The following GFOD2 variants were observed in gnomAD, a reference collection of about 807,000 sequenced individuals.
GFOD2 encodes Gfo/Idh/MocA-like oxidoreductase domain containing 2.
A neutral mutation model predicts 24.6 loss-of-function variants in GFOD2; 9 were observed. The observed-to-expected ratio is 0.37, with a 90% CI of 0.22 to 0.64. The LOEUF (loss-of-function observed/expected upper bound fraction) is 0.64, where lower values mean the gene tolerates loss of function less well. Among genes scored for constraint, GFOD2 ranks in the 30% least tolerant of loss-of-function variants. GFOD2 has a pLI of 0.65. For synonymous variants in GFOD2, 211 were observed against 224.8 expected, an observed-to-expected ratio of 0.94 and a Z score of 0.55; for missense variants, 476 against 532.5, an observed-to-expected ratio of 0.89 and a Z score of 1.04.
chr16:67,689,848 C>T (rs538169360), intron 1 of GFOD2, among the ~76,000 whole-genome samples: 1 of 152,276 alleles, frequency 6.6e-6, no homozygotes, highest in East Asian at 1.9e-4. Context: ...CCACTACCCC[C>T]GCCCCAGCCC....
chr16:67,717,570 C>T (rs983666360), intron 1 of GFOD2, among the ~76,000 whole-genome samples: 3 of 152,186 alleles, frequency 2.0e-5, no homozygotes, highest in Non-Finnish European at 4.4e-5. Flanking sequence ...GCAGGCAGAT[C>T]ATCTGAGGTC....
At chr16:67,718,675 T>A (rs2053523415) in intron 1 of GFOD2, among the ~76,000 whole-genome samples, 2 of 152,200 alleles carry the variant, frequency 1.3e-5, no homozygotes, top group South Asian at 2.1e-4. Flanking sequence ...GTGTCCCTTC[T>A]TCCACCTGTC....
At chr16:67,702,751 C>T (rs1413435621) in intron 1 of GFOD2, among the ~76,000 whole-genome samples, 1 of 151,786 alleles carries the variant, frequency 6.6e-6, no homozygotes, top group Non-Finnish European at 1.5e-5. Context: ...AGGCATGTGC[C>T]GTGCCTGGCT....
intron 2 of GFOD2, chr16:67,681,215 T>C (rs1390094338): frequency 2.0e-6 from 2 of 985,430 alleles, no homozygotes; most frequent in Non-Finnish European, 1.2e-6. Context: ...TTCTGGCCAA[T>C]TCAGAAGCCT....
chr16:67,696,358 C>T (rs2053359422), intron 1 of GFOD2, among the ~76,000 whole-genome samples: 1 of 150,446 alleles, frequency 6.6e-6, no homozygotes, highest in South Asian at 2.1e-4. Context: ...GTATCTATGA[C>T]CAACTTAGAT....
chr16:67,678,505 AAGAAAT>A (rs1318543577), intron 2 of GFOD2, among the ~76,000 whole-genome samples: 1 of 151,950 alleles, frequency 6.6e-6, no homozygotes, highest in Non-Finnish European at 1.5e-5. Flanking sequence ...GAAAAAGAAA[AAGAAAT>A]GGCCGATGTC....
chr16:67,680,767 A>G (rs543118694), intron 2 of GFOD2: 1 of 956,778 alleles, frequency 1.0e-6, no homozygotes, highest in East Asian at 1.2e-4. Context: ...TTTTTAATAC[A>G]TATTTTGTTA....
chr16:67,697,692 T>C (rs1337375971), intron 1 of GFOD2, among the ~76,000 whole-genome samples: 1 of 152,192 alleles, frequency 6.6e-6, no homozygotes, highest in Admixed American at 6.5e-5. Flanking sequence ...GGAGCAACTC[T>C]TCTTCCATCC....
At chr16:67,717,663 TGCCTGTAGTCCCA>T (rs2053516567) in intron 1 of GFOD2, among the ~76,000 whole-genome samples, 1 of 152,146 alleles carries the variant, frequency 6.6e-6, no homozygotes, top group Non-Finnish European at 1.5e-5. Flanking sequence ...TGGTGGTACA[TGCCTGTAGTCCCA>T]GCTACTCAGG....
chr16:67,682,776 G>A (rs899337425), intron 2 of GFOD2: 2 of 985,188 alleles, frequency 2.0e-6, no homozygotes, highest in South Asian at 4.7e-5. Flanking sequence ...ATCACAGCAC[G>A]AAGACTTGGT....
chr16:67,713,244 T>C (rs1339316916), intron 1 of GFOD2, among the ~76,000 whole-genome samples: 7 of 152,110 alleles, frequency 4.6e-5, no homozygotes. Flanking sequence ...AGGTATGTCA[T>C]TGTGAAAGTG....
intron 2 of GFOD2, among the ~76,000 whole-genome samples, chr16:67,679,794 G>A (rs2053210662): frequency 6.6e-6 from 1 of 152,042 alleles, no homozygotes; most frequent in Admixed American, 6.5e-5. Context: ...GGCTGAGGCA[G>A]GAGAATTGCT....
intron 1 of GFOD2, among the ~76,000 whole-genome samples, chr16:67,711,641 C>T (rs2053474596): frequency 1.3e-5 from 2 of 152,182 alleles, no homozygotes; most frequent in Non-Finnish European, 2.9e-5. Context: ...ATAGGCATCT[C>T]ACACTTAAAA....
At chr16:67,711,520 C>T (rs2053473750) in intron 1 of GFOD2, among the ~76,000 whole-genome samples, 3 of 152,176 alleles carry the variant, frequency 2.0e-5, no homozygotes. Context: ...AGTGTCATGG[C>T]TTTTAAATGT....
At chr16:67,710,694 A>G (rs2053467751) in intron 1 of GFOD2, among the ~76,000 whole-genome samples, 1 of 152,230 alleles carries the variant, frequency 6.6e-6, no homozygotes, top group African/African-American at 2.4e-5. Flanking sequence ...GTTCAATGAC[A>G]GATTTATAAT....
chr16:67,714,461 G>GA, intron 1 of GFOD2, among the ~76,000 whole-genome samples: 1 of 106,096 alleles, frequency 9.4e-6, no homozygotes, highest in Admixed American at 1.2e-4. Flanking sequence ...CTGGGAGATA[G>GA]AAACACTGTC....
intron 1 of GFOD2, among the ~76,000 whole-genome samples, chr16:67,709,564 T>G (rs2053459310): frequency 6.6e-6 from 1 of 152,114 alleles, no homozygotes; most frequent in Non-Finnish European, 1.5e-5. Context: ...GATTTGAGAT[T>G]AAATGCTATA....
intron 2 of GFOD2, chr16:67,681,601 G>T: frequency 1.8e-6 from 1 of 571,222 alleles, no homozygotes; most frequent in Non-Finnish European, 2.2e-6. Context: ...GTAGAGATGG[G>T]ATTTCATCAT....
At chr16:67,710,790 C>A (rs2053468349) in intron 1 of GFOD2, among the ~76,000 whole-genome samples, 1 of 152,120 alleles carries the variant, frequency 6.6e-6, no homozygotes, top group African/African-American at 2.4e-5. Flanking sequence ...ATTTTCTATC[C>A]ACTGACCCCT....
Sources: allele counts gnomAD v4.1 joint callset (sites outside exome capture counted in the v4.1 genomes callset), GRCh38; gene constraint gnomAD v4.1.1; transcripts MANE v1.5; gene names NCBI Gene and HGNC (gene_info 2026-07-23, HGNC 2026-07-21).